Variants in GRM7 observed in about 807,000 individuals in gnomAD.
GRM7 encodes the protein metabotropic glutamate receptor 7.
A neutral mutation model predicts 84.5 loss-of-function variants in GRM7; 35 were observed. That is an observed-to-expected ratio of 0.41 (90% CI 0.32 to 0.55). GRM7 has a LOEUF of 0.55. GRM7 is among the 20% of genes least tolerant of loss of function. GRM7 has a pLI of 0.19. For missense variants in GRM7, 1,003 were observed against 1,194.6 expected, an observed-to-expected ratio of 0.84 and a Z score of 2.36; for synonymous variants, 487 against 455.1, an observed-to-expected ratio of 1.07 and a Z score of -0.89.
At chr3:6,948,947 G>T (rs1213829582) in intron 1 of GRM7, among the ~76,000 whole-genome samples, 1 of 152,142 alleles carries the variant, frequency 6.6e-6, no homozygotes, top group Non-Finnish European at 1.5e-5. Context: ...GCTTATGTGT[G>T]TCTCTGCATG....
chr3:7,229,749 A>ATTT (rs1331737131), intron 2 of GRM7, among the ~76,000 whole-genome samples: 1 of 33,598 alleles, frequency 3.0e-5, no homozygotes, highest in African/African-American at 1.2e-4. Context: ...ATATATATAT[A>ATTT]TATATATATA....
At chr3:7,602,163 AAT>A (rs917502016) in intron 8 of GRM7, among the ~76,000 whole-genome samples, 4 of 151,936 alleles carry the variant, frequency 2.6e-5, no homozygotes, top group Non-Finnish European at 4.4e-5. Flanking sequence ...AGAGCTTGTA[AAT>A]AAAGGGATGA....
At chr3:7,541,664 C>A (rs1472885497) in intron 7 of GRM7, among the ~76,000 whole-genome samples, 2 of 152,166 alleles carry the variant, frequency 1.3e-5, no homozygotes, top group Admixed American at 6.6e-5. Flanking sequence ...TTGTGACAAC[C>A]TTAATCCAAT....
At chr3:6,889,070 T>G (rs376598750) in intron 1 of GRM7, among the ~76,000 whole-genome samples, 1 of 152,068 alleles carries the variant, frequency 6.6e-6, no homozygotes, top group Admixed American at 6.6e-5. Context: ...GTGATTTTTG[T>G]ACATTGATTT....
chr3:7,489,778 A>T, intron 7 of GRM7, among the ~76,000 whole-genome samples: 1 of 152,046 alleles, frequency 6.6e-6, no homozygotes, highest in Non-Finnish European at 1.5e-5. Context: ...AGCTTTCTTA[A>T]ATTTAAGCTT....
chr3:7,306,956 C>T (rs183057887), intron 4 of GRM7, among the ~76,000 whole-genome samples: 54 of 152,290 alleles, frequency 3.5e-4, no homozygotes, highest in Non-Finnish European at 6.3e-4. Flanking sequence ...AAAGTATACA[C>T]ATCCAAGTGT....
chr3:7,659,263 G>A (rs915230510), intron 8 of GRM7, among the ~76,000 whole-genome samples: 1 of 152,172 alleles, frequency 6.6e-6, no homozygotes, highest in Non-Finnish European at 1.5e-5. Flanking sequence ...TGAGGGATGG[G>A]GACACAATGC....
At chr3:7,707,455 T>A (rs329042) in intron 9 of GRM7, among the ~76,000 whole-genome samples, 20,622 of 152,144 alleles carry the variant, frequency 0.14, 1,678 homozygotes, top group African/African-American at 0.22. Flanking sequence ...TGCCCACGTG[T>A]GCTTTGCCAT....
At chr3:6,964,651 T>C (rs907777164) in intron 1 of GRM7, among the ~76,000 whole-genome samples, 14 of 152,204 alleles carry the variant, frequency 9.2e-5, no homozygotes, top group Admixed American at 7.8e-4. Context: ...TCTCCATGTA[T>C]GTAAATAATC....
At chr3:7,113,935 T>C (rs994756879) in intron 1 of GRM7, among the ~76,000 whole-genome samples, 1 of 152,216 alleles carries the variant, frequency 6.6e-6, no homozygotes, top group Non-Finnish European at 1.5e-5. Context: ...TCTCATTTTG[T>C]AGATTAAGTA....
chr3:7,453,350 C>T (rs1697859939), intron 6 of GRM7, among the ~76,000 whole-genome samples: 1 of 151,944 alleles, frequency 6.6e-6, no homozygotes, highest in Admixed American at 6.6e-5. Context: ...GCTTAGTTCC[C>T]AAGACTCTTC....
At chr3:7,390,878 C>T (rs940548500) in intron 4 of GRM7, among the ~76,000 whole-genome samples, 1 of 152,038 alleles carries the variant, frequency 6.6e-6, no homozygotes, top group Non-Finnish European at 1.5e-5. Flanking sequence ...GGATCCATTA[C>T]TTGAGAGCTA....
intron 1 of GRM7, among the ~76,000 whole-genome samples, chr3:6,899,197 A>G (rs1179907384): frequency 3.3e-5 from 5 of 152,334 alleles, no homozygotes; most frequent in South Asian, 2.1e-4. Context: ...ATACTGTGCT[A>G]GTTCTTTTAC....
At chr3:6,913,207 G>A (rs538029605) in intron 1 of GRM7, among the ~76,000 whole-genome samples, 39 of 152,242 alleles carry the variant, frequency 2.6e-4, no homozygotes, top group Admixed American at 1.1e-3. Flanking sequence ...CAATGGCTTC[G>A]TGTATTTATT....
At chr3:7,294,833 C>A (rs1699760179) in intron 2 of GRM7, among the ~76,000 whole-genome samples, 1 of 152,192 alleles carries the variant, frequency 6.6e-6, no homozygotes, top group African/African-American at 2.4e-5. Flanking sequence ...ACAAGCTCTT[C>A]TGTAAGTGAA....
intron 3 of GRM7, among the ~76,000 whole-genome samples, chr3:7,304,602 G>T (rs920721374): frequency 6.6e-6 from 1 of 150,930 alleles, no homozygotes; most frequent in African/African-American, 2.4e-5. Context: ...GGTCTTCTTG[G>T]GTTGATTATT....
intron 4 of GRM7, among the ~76,000 whole-genome samples, chr3:7,353,987 C>A (rs1461589825): frequency 6.6e-6 from 1 of 152,120 alleles, no homozygotes; most frequent in South Asian, 2.1e-4. Context: ...ACACAGAAAA[C>A]TTCCAGGTCA....
At chr3:7,518,448 A>G (rs1366734270) in intron 7 of GRM7, among the ~76,000 whole-genome samples, 1 of 152,176 alleles carries the variant, frequency 6.6e-6, no homozygotes, top group Non-Finnish European at 1.5e-5. Context: ...AGAGTATAAG[A>G]AGGTTTCAGT....
At chr3:7,086,681 C>T (rs568496095) in intron 1 of GRM7, among the ~76,000 whole-genome samples, 2 of 152,260 alleles carry the variant, frequency 1.3e-5, no homozygotes, top group East Asian at 3.9e-4. Flanking sequence ...TGAAAGCTTC[C>T]AGCGAGTTGG....
Sources: gnomAD v4.1 joint callset for allele counts (sites outside exome capture counted in the v4.1 genomes callset) on GRCh38, gnomAD v4.1.1 for gene constraint, MANE v1.5 for transcripts, NCBI Gene and HGNC (gene_info 2026-07-23, HGNC 2026-07-21) for gene names.